TMEM184B: variants seen among roughly 807,000 people sequenced by gnomAD.
TMEM184B encodes the protein putative MAPK-activating protein FM08.
Under a neutral mutation model 41.8 loss-of-function variants are expected in TMEM184B, and 17 were observed. The observed-to-expected ratio is 0.41, with a 90% CI of 0.28 to 0.61. The LOEUF (loss-of-function observed/expected upper bound fraction) is 0.61, where lower values mean the gene tolerates loss of function less well. TMEM184B is among the 20% of genes least tolerant of loss of function. TMEM184B has a pLI of 0.34. For missense variants in TMEM184B, 393 were observed against 557.8 expected (o/e 0.70, Z 2.98); for synonymous variants, 240 against 229.5 (o/e 1.05, Z -0.41).
chr22:38,231,751 A>C (rs2091631643), intron 3 of TMEM184B: 1 of 358,002 alleles, frequency 2.8e-6, no homozygotes, highest in Admixed American at 3.9e-5. Flanking sequence ...CTGTGGTCCC[A>C]GCTACTGCTG....
At chr22:38,238,650 C>A (rs1472558921) in intron 3 of TMEM184B, among the ~76,000 whole-genome samples, 2 of 152,228 alleles carry the variant, frequency 1.3e-5, no homozygotes, top group Non-Finnish European at 2.9e-5. Context: ...GCTGTGCTCA[C>A]CCCGGTTGGA....
chr22:38,227,513 CCCCCGATCTGGTTCCTAG>C (rs1457140070), intron 5 of TMEM184B, among the ~76,000 whole-genome samples: 3 of 152,160 alleles, frequency 2.0e-5, no homozygotes, highest in Non-Finnish European at 4.4e-5. Flanking sequence ...TCCATGTCCA[CCCCCGATCTGGTTCCTAG>C]CCCTACTCTC....
Position 38,221,005 on chromosome 22 carries a change from G to A in TMEM184B, c.*464C>T, listed in dbSNP as rs11538092. On this transcript the variant is annotated 3_prime_UTR_variant, in exon 9 of 9. Coordinates refer to ENST00000361906, the MANE Select transcript of TMEM184B (RefSeq NM_012264.5). ...GGTGAATCTAGCACTGGACAAAGGT[G>A]GACAGGGGAGGGATGCAGGCGGGAA... The A allele has an allele frequency of 6.5e-3, 6,544 of 1,001,062 alleles. 323 individuals are homozygous for A. The African/African-American group carries it at 0.1, about 16-fold the overall frequency. The allele number at this position is 1,001,062 out of a possible 1,614,324, so 62.0% of individuals were successfully genotyped here. A position where few individuals can be genotyped will look rare whatever the true frequency, so the allele number is the denominator to read the frequency against.
Position 38,220,191 on chromosome 22 carries a change from G to A in TMEM184B, c.*1278C>T, listed in dbSNP as rs1045630731. 1.5e-5 allele frequency: 15 copies of A among 985,284 alleles called. No homozygotes were observed. The highest frequency in any genetic ancestry group is 9.4e-5 in the South Asian group (2 of 21,274). The allele number at this position is 985,284 out of a possible 1,614,324, so 61.0% of individuals were successfully genotyped here. On this transcript the variant is annotated 3_prime_UTR_variant, in exon 9 of 9. Coordinates refer to ENST00000361906, the MANE Select transcript of TMEM184B (RefSeq NM_012264.5). Reference sequence around the variant, plus strand: ...ATAAGCCCAGCCTGCTGGGGGTTCCGGAGGCCCCAGGTCTAGAGGTGTGGA... The same window carrying A: ...ATAAGCCCAGCCTGCTGGGGGTTCCAGAGGCCCCAGGTCTAGAGGTGTGGA...
At chr22:38,224,271 C>G (rs1425499912) in intron 8 of TMEM184B, among the ~76,000 whole-genome samples, 1 of 152,160 alleles carries the variant, frequency 6.6e-6, no homozygotes, top group Non-Finnish European at 1.5e-5. Flanking sequence ...CCCGCCACCA[C>G]GCCCGGCTAA....
chr22:38,271,682 T>A (rs2092526229), intron 1 of TMEM184B, among the ~76,000 whole-genome samples: 1 of 152,214 alleles, frequency 6.6e-6, no homozygotes, highest in South Asian at 2.1e-4. Context: ...GATTCCCCCA[T>A]GCTTGAGAGC....
downstream of TMEM184B, among the ~76,000 whole-genome samples, chr22:38,217,642 A>G (rs1288747368): frequency 7.0e-6 from 1 of 143,414 alleles, no homozygotes; most frequent in East Asian, 2.0e-4. Flanking sequence ...ACTCCGTCTC[A>G]AAAAAAAAAA....
At chr22:38,257,135 AAAC>A (rs1393158128) in intron 1 of TMEM184B, among the ~76,000 whole-genome samples, 1 of 151,750 alleles carries the variant, frequency 6.6e-6, no homozygotes, top group Admixed American at 6.6e-5. Context: ...GCATGCACCA[AAAC>A]AATATGTCTG....
chr22:38,240,428 G>A (rs934062441), intron 3 of TMEM184B, among the ~76,000 whole-genome samples: 3 of 151,804 alleles, frequency 2.0e-5, no homozygotes, highest in Admixed American at 1.3e-4. Flanking sequence ...ACAAAACAAA[G>A]TTCATGGAAA....
At chr22:38,247,376 G>A (rs1160879089) in intron 2 of TMEM184B, among the ~76,000 whole-genome samples, 1 of 152,248 alleles carries the variant, frequency 6.6e-6, no homozygotes, top group African/African-American at 2.4e-5. Flanking sequence ...CTGCTGCTAG[G>A]TGTCAGATGG....
In TMEM184B at chr22:38,220,165, T is replaced by G; in HGVS notation, c.*1304A>C. On this transcript the variant is annotated 3_prime_UTR_variant, in exon 9 of 9. Coordinates refer to ENST00000361906, the MANE Select transcript of TMEM184B (RefSeq NM_012264.5). ...AGGCTCTTCCTAAGTCAGGAGCTAG[T>G]ATAAGCCCAGCCTGCTGGGGGTTCC... 4 of 985,140 alleles carry G rather than the reference T, an allele frequency of 4.1e-6. No homozygotes were observed. Among genetic ancestry groups the G allele is most frequent in the Non-Finnish European group, 4.8e-6 (4 of 829,868 alleles). The allele number at this position is 985,140 out of a possible 1,614,324, so 61.0% of individuals were successfully genotyped here.
At chr22:38,248,645 C>A (rs6001069) in intron 1 of TMEM184B, among the ~76,000 whole-genome samples, 3,223 of 152,302 alleles carry the variant, frequency 0.021, 71 homozygotes, top group African/African-American at 0.058. Context: ...TAACTCGATT[C>A]ACTCATGTAT....
intron 1 of TMEM184B, among the ~76,000 whole-genome samples, chr22:38,258,651 TG>T (rs1386060548): frequency 3.9e-5 from 6 of 152,122 alleles, no homozygotes; most frequent in Admixed American, 6.6e-5. Context: ...GTGACACTCC[TG>T]GAAGGGTGGG....
intron 8 of TMEM184B, 40 bp downstream of exon 8, chr22:38,224,745 G>T: frequency 6.5e-7 from 1 of 1,529,486 alleles, no homozygotes; most frequent in Non-Finnish European, 8.8e-7. Flanking sequence ...GGGGCTCCCT[G>T]CTTCTCCCAG....
intron 1 of TMEM184B, among the ~76,000 whole-genome samples, chr22:38,267,677 C>T (rs1157958581): frequency 6.6e-6 from 1 of 152,114 alleles, no homozygotes; most frequent in Admixed American, 6.5e-5. Context: ...AAGTGATCTG[C>T]CCACCTCGGC....
intron 2 of TMEM184B, 81 bp from the exon 3 acceptor site, chr22:38,246,181 C>T: frequency 6.6e-7 from 1 of 1,525,646 alleles, no homozygotes. Context: ...AGCTCTGCCA[C>T]CGACTCATCT....
At chr22:38,266,160 G>C (rs889054423) in intron 1 of TMEM184B, among the ~76,000 whole-genome samples, 9 of 152,208 alleles carry the variant, frequency 5.9e-5, no homozygotes, top group Non-Finnish European at 1.2e-4. Flanking sequence ...ATGACCCGCA[G>C]GTAAAGGGTC....
intron 2 of TMEM184B, chr22:38,246,988 G>A: frequency 1.6e-6 from 1 of 644,380 alleles, no homozygotes; most frequent in South Asian, 1.8e-5. Context: ...GCTGGCAAGG[G>A]GCTGACTAGG....
intron 2 of TMEM184B, chr22:38,246,623 G>A (rs890343894): frequency 3.8e-5 from 12 of 315,432 alleles, no homozygotes; most frequent in African/African-American, 2.0e-4. Flanking sequence ...CTTCCTGGCC[G>A]AGTGGCTGCA....
Sources: allele counts gnomAD v4.1 joint callset (sites outside exome capture counted in the v4.1 genomes callset), GRCh38; gene constraint gnomAD v4.1.1; transcripts MANE v1.5; gene names NCBI Gene and HGNC (gene_info 2026-07-23, HGNC 2026-07-21).